Variants in CHL1 observed in about 807,000 individuals in gnomAD.
CHL1 encodes neural cell adhesion molecule L1-like protein.
In CHL1, 96 loss-of-function variants were observed where a neutral mutation model predicts 141.9. That is an observed-to-expected ratio of 0.68 (90% CI 0.57 to 0.80). The LOEUF is 0.80. Among genes scored for constraint, CHL1 ranks in the 30% least tolerant of loss-of-function variants. The probability of loss-of-function intolerance (pLI) is 0.00; values close to 1 mark genes in which losing one functional copy is unlikely to be tolerated. For missense variants in CHL1, 1,820 were observed against 1,457.2 expected, an observed-to-expected ratio of 1.25 and a Z score of -4.05; for synonymous variants, 613 against 502.2, an observed-to-expected ratio of 1.22 and a Z score of -2.95.
Position 302,113 on chromosome 3 carries a change from T to C in CHL1, c.-94-17570T>C, listed in dbSNP as rs147607017. On this transcript the variant is annotated intron_variant, in intron 2 of 27. Coordinates refer to ENST00000256509, the MANE Select transcript of CHL1 (RefSeq NM_006614.4). ...TATGGTTGCATAGTATTCCATGGTG[T>C]ATATGTGCCACATTTTCTTAATCCA... Among the ~76,000 whole-genome samples, 31 of 152,368 alleles carry C rather than the reference T, an allele frequency of 2.0e-4. No homozygotes were observed. The East Asian group carries it at 5.8e-3, about 28-fold the overall frequency.
chr3:293,102 A>T (rs187695744), intron 2 of CHL1, among the ~76,000 whole-genome samples: 31 of 152,370 alleles, frequency 2.0e-4, no homozygotes, highest in Admixed American at 9.8e-4. Flanking sequence ...AAATACATAG[A>T]TATAGCACAG....
intron 8 of CHL1, among the ~76,000 whole-genome samples, chr3:343,410 G>T (rs1192299809): frequency 1.3e-5 from 2 of 152,160 alleles, no homozygotes. Flanking sequence ...GTTTAAGAAA[G>T]TTAAGTGGAT....
intron 1 of CHL1, among the ~76,000 whole-genome samples, chr3:205,909 A>T (rs897610690): frequency 6.6e-6 from 1 of 152,244 alleles, no homozygotes; most frequent in African/African-American, 2.4e-5. Flanking sequence ...GTCCTTGTCC[A>T]ATGTCACACA....
chr3:225,446 C>T (rs1290303369), intron 1 of CHL1, among the ~76,000 whole-genome samples: 1 of 152,184 alleles, frequency 6.6e-6, no homozygotes, highest in African/African-American at 2.4e-5. Flanking sequence ...ATTAGAGAGA[C>T]ATCCAATAAG....
chr3:329,035 A>G (rs944656002), intron 5 of CHL1, among the ~76,000 whole-genome samples: 1 of 152,152 alleles, frequency 6.6e-6, no homozygotes, highest in African/African-American at 2.4e-5. Context: ...AAACTGCAAG[A>G]CACTTTGTTG....
At chr3:234,999 T>C (rs997539402) in intron 1 of CHL1, among the ~76,000 whole-genome samples, 1 of 150,702 alleles carries the variant, frequency 6.6e-6, no homozygotes, top group African/African-American at 2.4e-5. Flanking sequence ...ATTACTATTA[T>C]TATTATTATT....
At chr3:205,601 T>C (rs1699360936) in intron 1 of CHL1, among the ~76,000 whole-genome samples, 1 of 152,196 alleles carries the variant, frequency 6.6e-6, no homozygotes, top group Admixed American at 6.5e-5. Context: ...TTCCAAAGCA[T>C]CCTGAATTCT....
chr3:354,764 A>G lies in CHL1; in HGVS notation c.1158A>G (p.Pro386=). 6 of 1,613,334 alleles carry G rather than the reference A, an allele frequency of 3.7e-6. No individual in the cohort carries two copies. In the South Asian group the frequency reaches 6.6e-5, roughly 18 times the overall value. ...PTIKWRVNGS[P]VDNHPFAGDV... is the part of the protein sequence containing the mutation. Reference sequence around the variant, plus strand: ...TCAAGTGGAGAGTCAATGGCTCCCCAGTTGACAGTAAGTTTAAAAACCAAT... The same window carrying G: ...TCAAGTGGAGAGTCAATGGCTCCCCGGTTGACAGTAAGTTTAAAAACCAAT... Residue 386 remains proline (P), a synonymous_variant, in exon 11 of 28, where the codon CCA becomes CCG. Transcript: ENST00000256509.
intron 15 of CHL1, chr3:373,992 T>C (rs1380480838): frequency 1.3e-5 from 2 of 152,180 alleles, no homozygotes; most frequent in African/African-American, 4.8e-5. Context: ...CTTACTATAG[T>C]TCTTTTCCAT....
chr3:252,042 T>G (rs932175025), intron 2 of CHL1, among the ~76,000 whole-genome samples: 8 of 152,148 alleles, frequency 5.3e-5, no homozygotes, highest in Admixed American at 5.2e-4. Flanking sequence ...GGTTAAACTT[T>G]CCAACCACCA....
chr3:342,911 G>T, intron 7 of CHL1, 73 bp from the exon 8 acceptor site: 1 of 1,236,812 alleles, frequency 8.1e-7, no homozygotes, highest in South Asian at 1.4e-5. Context: ...ACAAAAATAT[G>T]ACTTTTCATT....
intron 1 of CHL1, among the ~76,000 whole-genome samples, chr3:208,727 C>T (rs1345613334): frequency 1.3e-5 from 2 of 152,136 alleles, no homozygotes; most frequent in Non-Finnish European, 2.9e-5. Flanking sequence ...ACAACTAACT[C>T]CTAAAACCGA....
intron 27 of CHL1, 38 bp downstream of exon 27, chr3:401,736 T>A (rs1709153256): frequency 8.3e-7 from 1 of 1,206,414 alleles, no homozygotes; most frequent in African/African-American, 1.6e-5. Flanking sequence ...AAACACATAT[T>A]CATCATGTTG....
chr3:264,647 G>A (rs564949435), intron 2 of CHL1, among the ~76,000 whole-genome samples: 22 of 152,310 alleles, frequency 1.4e-4, no homozygotes, highest in African/African-American at 5.3e-4. Context: ...TATTTCGGAA[G>A]CTAGAAGTCA....
intron 16 of CHL1, among the ~76,000 whole-genome samples, chr3:380,954 A>T (rs181993332): frequency 6.6e-6 from 1 of 152,218 alleles, no homozygotes; most frequent in Non-Finnish European, 1.5e-5. Context: ...TCAGGCATAT[A>T]AACAAATATG....
intron 24 of CHL1, among the ~76,000 whole-genome samples, chr3:395,804 T>A (rs1287146691): frequency 1.3e-5 from 2 of 152,242 alleles, no homozygotes; most frequent in Non-Finnish European, 2.9e-5. Context: ...TTCTGGATGC[T>A]TTTCCAAGTT....
At chr3:372,743 T>C (rs1329198411) in intron 15 of CHL1, among the ~76,000 whole-genome samples, 2 of 152,158 alleles carry the variant, frequency 1.3e-5, no homozygotes, top group African/African-American at 4.8e-5. Flanking sequence ...CTTCCTTCTA[T>C]CTTTGAGGCT....
chr3:386,865 T>G (rs9853137), intron 19 of CHL1, among the ~76,000 whole-genome samples: 8,339 of 152,242 alleles, frequency 0.055, 784 homozygotes, highest in African/African-American at 0.19. Flanking sequence ...TGTATTGTAT[T>G]CTTGAAAATT....
At chr3:355,571 C>G (rs1039334494) in intron 11 of CHL1, among the ~76,000 whole-genome samples, 4 of 152,138 alleles carry the variant, frequency 2.6e-5, no homozygotes, top group Admixed American at 2.0e-4. Context: ...AGAGCAGGTA[C>G]GATAGTGGCT....
Sources: gnomAD v4.1 joint callset for allele counts (sites outside exome capture counted in the v4.1 genomes callset) on GRCh38, gnomAD v4.1.1 for gene constraint, MANE v1.5 for transcripts, NCBI Gene and HGNC (gene_info 2026-07-23, HGNC 2026-07-21) for gene names.